The following PPIP5K1 variants were observed in gnomAD, a reference collection of about 807,000 sequenced individuals.
The protein encoded by PPIP5K1 is inositol hexakisphosphate and diphosphoinositol-pentakisphosphate kinase 1.
Under a neutral mutation model 27.7 loss-of-function variants are expected in PPIP5K1, and 6 were observed. The ratio of observed to expected loss-of-function variants is 0.22; its 90% CI spans 0.12 to 0.43. PPIP5K1 has a LOEUF of 0.43. Among genes scored for constraint, PPIP5K1 ranks in the 20% least tolerant of loss-of-function variants. PPIP5K1 has a pLI of 1.00. For missense variants in PPIP5K1, 394 were observed against 635.4 expected, an observed-to-expected ratio of 0.62 and a Z score of 4.08; for synonymous variants, 145 against 242.6, an observed-to-expected ratio of 0.60 and a Z score of 3.74.
chr15:43,545,169 G>A (rs1158094624), intron 30 of PPIP5K1, among the ~76,000 whole-genome samples: 1 of 148,132 alleles, frequency 6.8e-6, no homozygotes, highest in Non-Finnish European at 1.5e-5. Flanking sequence ...CAGAGCAAGA[G>A]TCCGTCTCAT....
At chr15:43,537,688 C>CAAA (rs1229197125) in intron 31 of PPIP5K1, among the ~76,000 whole-genome samples, 45 of 49,068 alleles carry the variant, frequency 9.2e-4, no homozygotes, top group South Asian at 3.6e-3. Flanking sequence ...GACTCCATCT[C>CAAA]AAAAAAAAAA....
In PPIP5K1 at chr15:43,533,889, A is replaced by C. The variant is rs1326486963; in HGVS notation, c.*785T>G. 1 of 152,148 alleles carries C rather than the reference A, an allele frequency of 6.6e-6. No homozygotes were observed. The highest frequency in any genetic ancestry group is 2.4e-5 in the African/African-American group (1 of 41,416). The allele number at this position is 152,148 out of a possible 1,614,324, so 9.4% of individuals were successfully genotyped here. A position where few individuals can be genotyped will look rare whatever the true frequency, so the allele number is the denominator to read the frequency against. On this transcript the variant is annotated 3_prime_UTR_variant, in exon 32 of 32. Coordinates refer to ENST00000420765, the MANE Select transcript of PPIP5K1 (RefSeq NM_001394395.1). Reference sequence around the variant, plus strand: ...AGAGCATTTTAAGTAGTTGCTCTGAATTTTGCACAGCAGTCTAATACCTAC... The same window carrying C: ...AGAGCATTTTAAGTAGTTGCTCTGACTTTTGCACAGCAGTCTAATACCTAC...
Position 43,535,100 on chromosome 15 carries a change from G to C in PPIP5K1, c.4047C>G (p.Asn1349Lys). Residue 1349 changes from asparagine to lysine, a missense_variant, in exon 32 of 32, where the codon AAC (asparagine) becomes AAG (lysine). Around this residue, in one of 4 missense-constraint regions of PPIP5K1, gnomAD observed 379 missense variants for 423.9 expected, o/e 0.89. Transcript: ENST00000420765. ...GGCATGTGTGGTTACCATTGTCATG[G>C]TTCTCCTGGCATTGCTGGCTGATGT... is the stretch of plus-strand genomic sequence containing the variant. ...VPDISQQCQE[N>K]HDNGNHTCQE... 6.2e-7 allele frequency: 1 copy of C among 1,613,688 alleles called. No individual in the cohort carries two copies. The highest frequency in any genetic ancestry group is 1.1e-5 in the South Asian group (1 of 91,060).
intron 31 of PPIP5K1, 83 bp downstream of exon 31, chr15:43,539,387 G>T: frequency 2.0e-6 from 2 of 1,010,214 alleles, no homozygotes; most frequent in Non-Finnish European, 3.1e-6. Flanking sequence ...CACCTTCTTT[G>T]ACCTCATGCA....
chr15:43,540,134 C>T (rs1374533713), intron 30 of PPIP5K1, among the ~76,000 whole-genome samples: 1 of 152,060 alleles, frequency 6.6e-6, no homozygotes, highest in African/African-American at 2.4e-5. Context: ...TGCCTGTAAT[C>T]CCAGCTATTT....
chr15:43,540,393 G>A (rs1055545204), intron 30 of PPIP5K1, among the ~76,000 whole-genome samples: 2 of 151,886 alleles, frequency 1.3e-5, no homozygotes, highest in South Asian at 2.1e-4. Flanking sequence ...GAGAAACCCC[G>A]TCTACTAAAA....
chr15:43,557,657 TTCTCTC>T (rs746074120), intron 30 of PPIP5K1, among the ~76,000 whole-genome samples: 10 of 149,152 alleles, frequency 6.7e-5, no homozygotes, highest in African/African-American at 1.7e-4. Flanking sequence ...TCTCTTCTCT[TTCTCTC>T]TCTCTCTCTC....
chr15:43,558,993 A>G (rs1367965687), intron 29 of PPIP5K1, 61 bp from the exon 30 acceptor site: 3 of 1,599,096 alleles, frequency 1.9e-6, no homozygotes, highest in African/African-American at 2.7e-5. Flanking sequence ...CCAACTGGCC[A>G]AGGAAGCATG....
At chr15:43,543,949 GT>G (rs2081080754) in intron 30 of PPIP5K1, among the ~76,000 whole-genome samples, 1 of 151,856 alleles carries the variant, frequency 6.6e-6, no homozygotes, top group African/African-American at 2.4e-5. Flanking sequence ...GTATTCTAAA[GT>G]TATTGAAAAA....
At chr15:43,539,615 A>G in intron 30 of PPIP5K1, 32 bp from the exon 31 acceptor site, 1 of 1,362,848 alleles carries the variant, frequency 7.3e-7, no homozygotes, top group Non-Finnish European at 1.0e-6. Flanking sequence ...GGGAGAGGGA[A>G]GAAAAAAAGA....
chr15:43,542,999 T>C (rs903220609), intron 30 of PPIP5K1, among the ~76,000 whole-genome samples: 1 of 151,992 alleles, frequency 6.6e-6, no homozygotes, highest in Non-Finnish European at 1.5e-5. Flanking sequence ...AATGCCCAAA[T>C]TGTCCCAATT....
At chr15:43,554,535 A>G (rs1948387320) in intron 30 of PPIP5K1, among the ~76,000 whole-genome samples, 1 of 151,410 alleles carries the variant, frequency 6.6e-6, no homozygotes, top group Non-Finnish European at 1.5e-5. Context: ...TTTGCACAGA[A>G]TATGTTTTTC....
intron 31 of PPIP5K1, among the ~76,000 whole-genome samples, chr15:43,539,014 C>G (rs960513657): frequency 2.0e-5 from 3 of 151,902 alleles, no homozygotes; most frequent in African/African-American, 7.3e-5. Context: ...AGTTTGAGAC[C>G]AGCCTGACCA....
intron 30 of PPIP5K1, among the ~76,000 whole-genome samples, chr15:43,548,042 C>T (rs1352705709): frequency 6.6e-6 from 1 of 152,104 alleles, no homozygotes; most frequent in African/African-American, 2.4e-5. Flanking sequence ...CAGGGTCTCA[C>T]TTTGTCACCC....
intron 30 of PPIP5K1, among the ~76,000 whole-genome samples, chr15:43,547,208 T>C (rs1048884261): frequency 1.3e-5 from 2 of 152,248 alleles, no homozygotes; most frequent in Non-Finnish European, 2.9e-5. Flanking sequence ...CTTTGGAGAA[T>C]GTCAATTCAA....
At position 43,558,930 on chromosome 15, in the gene PPIP5K1, A is replaced by T; in HGVS notation, c.3421T>A (p.Phe1141Ile). The T allele has an allele frequency of 6.2e-7, 1 of 1,613,156 alleles. No individual in the cohort carries two copies. The highest frequency in any genetic ancestry group is 8.5e-7 in the Non-Finnish European group (1 of 1,179,890). Residue 1141 changes from phenylalanine to isoleucine, a missense_variant and splice_region_variant, in exon 30 of 32, where the codon TTT becomes ATT. Around this residue, in one of 4 missense-constraint regions of PPIP5K1, gnomAD observed 379 missense variants for 423.9 expected, o/e 0.89. Coordinates refer to ENST00000420765, the MANE Select transcript of PPIP5K1 (RefSeq NM_001394395.1). Reference sequence around the variant, plus strand: ...GTAGGCACCATGGAACACCCTTCAAACCCTGTTTGAAAAGAGATGGGCAAA... The same window carrying T: ...GTAGGCACCATGGAACACCCTTCAATCCCTGTTTGAAAAGAGATGGGCAAA... Reference protein sequence around the residue: ...GQDDPECLYGFEGCSMVPTIY... With the variant: ...GQDDPECLYGIEGCSMVPTIY...
intron 30 of PPIP5K1, among the ~76,000 whole-genome samples, chr15:43,553,340 CTT>C (rs879732500): frequency 2.8e-5 from 4 of 143,148 alleles, no homozygotes; most frequent in Admixed American, 7.0e-5. Context: ...TTTTCTTCTT[CTT>C]TTTTTTTTTT....
intron 30 of PPIP5K1, among the ~76,000 whole-genome samples, chr15:43,553,708 G>A (rs181032918): frequency 5.1e-4 from 77 of 149,990 alleles, no homozygotes; most frequent in East Asian, 7.8e-4. Flanking sequence ...GCAGTGGCGC[G>A]ATCTCGGCTT....
chr15:43,552,528 T>TAAAAAAAAAAAA (rs535937209), intron 30 of PPIP5K1, among the ~76,000 whole-genome samples: 7 of 69,240 alleles, frequency 1.0e-4, no homozygotes, highest in African/African-American at 2.2e-4. Flanking sequence ...TCTGTCTCTA[T>TAAAAAAAAAAAA]AAAAAAAAAA....
Sources: allele counts gnomAD v4.1 joint callset (sites outside exome capture counted in the v4.1 genomes callset), GRCh38; gene constraint gnomAD v4.1.1; regional missense constraint gnomAD v4.1.1; transcripts MANE v1.5; gene names NCBI Gene and HGNC (gene_info 2026-07-23, HGNC 2026-07-21).